RAB10: variants seen among roughly 807,000 people sequenced by gnomAD.
The protein encoded by RAB10 is RAB10, member RAS oncogene family.
A neutral mutation model predicts 25.7 loss-of-function variants in RAB10; 5 were observed. The ratio of observed to expected loss-of-function variants is 0.19; its 90% confidence interval spans 0.10 to 0.41. The LOEUF is 0.41. Ranked by LOEUF, RAB10 falls within the 10% of genes least tolerant of loss-of-function variation. The pLI is 1.00. For synonymous variants in RAB10, 89 were observed against 86.4 expected, an observed-to-expected ratio of 1.03 and a Z score of -0.16; for missense variants, 103 against 245.8, an observed-to-expected ratio of 0.42 and a Z score of 3.89.
At chr2:26,055,268 C>A (rs1449990496) in intron 1 of RAB10, among the ~76,000 whole-genome samples, 1 of 152,044 alleles carries the variant, frequency 6.6e-6, no homozygotes. Flanking sequence ...TTCTCAGTAT[C>A]TTTGTTGCTC....
intron 1 of RAB10, among the ~76,000 whole-genome samples, chr2:26,074,051 C>T (rs528443749): frequency 2.1e-4 from 32 of 152,042 alleles, no homozygotes; most frequent in Non-Finnish European, 2.4e-4. Flanking sequence ...CTAGTAGAAA[C>T]GTCAGCAAGA....
chr2:26,119,277 G>A (rs967638189), intron 3 of RAB10, among the ~76,000 whole-genome samples: 2 of 152,000 alleles, frequency 1.3e-5, no homozygotes, highest in African/African-American at 2.4e-5. Flanking sequence ...CGGATATGGC[G>A]GTGAGTACCT....
chr2:26,103,373 C>T (rs552618718), intron 2 of RAB10, among the ~76,000 whole-genome samples: 342 of 152,248 alleles, frequency 2.2e-3, no homozygotes, highest in African/African-American at 7.9e-3. Context: ...TAGGAACAAA[C>T]TTACGAATTT....
chr2:26,041,517 TG>T, intron 1 of RAB10, among the ~76,000 whole-genome samples: 1 of 122,786 alleles, frequency 8.1e-6, no homozygotes, highest in African/African-American at 3.3e-5. Flanking sequence ...CACTCAAGCC[TG>T]GGTGACAAGA....
At chr2:26,087,008 T>G (rs900274790) in intron 1 of RAB10, among the ~76,000 whole-genome samples, 8 of 152,174 alleles carry the variant, frequency 5.3e-5, no homozygotes, top group African/African-American at 1.9e-4. Context: ...TATGGGGTCG[T>G]TTTGAGGTGA....
At chr2:26,071,916 TGTGA>T (rs922316285) in intron 1 of RAB10, among the ~76,000 whole-genome samples, 10 of 152,304 alleles carry the variant, frequency 6.6e-5, no homozygotes, top group African/African-American at 9.6e-5. Flanking sequence ...TGTCTGCTGC[TGTGA>T]GTGTGACAGC....
Position 26,136,063 on chromosome 2 carries a change from CCTGT to C in RAB10, c.*1045_*1048del, listed in dbSNP as rs1228670665. On this transcript the variant is annotated 3_prime_UTR_variant, in exon 6 of 6. Transcript: ENST00000264710. Reference sequence around the variant, plus strand: ...CTTTTCCTCCTCTCTTTGTTCCCTTCCTGTCTATCCATTGAGTTTATGAAATGGA... The same window carrying C: ...CTTTTCCTCCTCTCTTTGTTCCCTTCCTATCCATTGAGTTTATGAAATGGA... 4 of 152,658 alleles carry C rather than the reference CCTGT, an allele frequency of 2.6e-5. No individual in the cohort carries two copies. Among genetic ancestry groups the C allele is most frequent in the African/African-American group, 9.7e-5 (4 of 41,430 alleles). 9.5% of individuals were successfully genotyped at this position (152,658 alleles called of 1,614,324 possible).
chr2:26,124,389 CTTTTTTTTT>C (rs10669615), intron 3 of RAB10, among the ~76,000 whole-genome samples: 11 of 19,666 alleles, frequency 5.6e-4, no homozygotes, highest in East Asian at 2.4e-3. Context: ...GTTGTTGTTG[CTTTTTTTTT>C]TTTTTTTTTT....
chr2:26,134,898 T>C, intron 5 of RAB10, 40 bp from the exon 6 acceptor site: 1 of 1,483,960 alleles, frequency 6.7e-7, no homozygotes, highest in Middle Eastern at 1.7e-4. Context: ...TCCATGGCAG[T>C]GTTTTTTCAT....
intron 1 of RAB10, among the ~76,000 whole-genome samples, chr2:26,067,206 C>T (rs1307450139): frequency 6.6e-6 from 1 of 152,126 alleles, no homozygotes; most frequent in Non-Finnish European, 1.5e-5. Flanking sequence ...TGTGGACCAC[C>T]TCACCTAGCC....
At chr2:26,089,094 C>CT (rs1210025489) in intron 1 of RAB10, among the ~76,000 whole-genome samples, 1 of 151,986 alleles carries the variant, frequency 6.6e-6, no homozygotes, top group Non-Finnish European at 1.5e-5. Flanking sequence ...GGAGAGGTGG[C>CT]TTGGGGCCAT....
intron 2 of RAB10, among the ~76,000 whole-genome samples, chr2:26,100,316 A>T (rs1667316171): frequency 6.6e-6 from 1 of 152,096 alleles, no homozygotes. Context: ...TTTCAAAACT[A>T]CTCTCTTATC....
chr2:26,114,771 G>A (rs997710494), intron 3 of RAB10, among the ~76,000 whole-genome samples: 4 of 147,634 alleles, frequency 2.7e-5, no homozygotes, highest in Admixed American at 2.6e-4. Context: ...CGGGTATGGT[G>A]GTATGCACTT....
chr2:26,060,158 A>T (rs560807099), intron 1 of RAB10, among the ~76,000 whole-genome samples: 1 of 152,336 alleles, frequency 6.6e-6, no homozygotes, highest in East Asian at 1.9e-4. Flanking sequence ...AATGCCATGA[A>T]TTCTCTAATA....
chr2:26,042,440 A>C (rs1326177718), intron 1 of RAB10, among the ~76,000 whole-genome samples: 1 of 152,114 alleles, frequency 6.6e-6, no homozygotes, highest in African/African-American at 2.4e-5. Flanking sequence ...GTTCGAGACC[A>C]GCCTGGGCAA....
chr2:26,132,317 G>C (rs1668026507), intron 5 of RAB10, among the ~76,000 whole-genome samples: 1 of 152,192 alleles, frequency 6.6e-6, no homozygotes, highest in Non-Finnish European at 1.5e-5. Context: ...GCAGTGGCAT[G>C]ATCTCGGCTC....
intron 1 of RAB10, among the ~76,000 whole-genome samples, chr2:26,095,095 A>G (rs1361443428): frequency 1.3e-5 from 2 of 152,134 alleles, no homozygotes; most frequent in African/African-American, 2.4e-5. Context: ...ATCATTTTTT[A>G]TGTATTCGGA....
intron 1 of RAB10, among the ~76,000 whole-genome samples, chr2:26,077,772 G>C (rs1307588349): frequency 1.3e-5 from 2 of 152,128 alleles, no homozygotes; most frequent in Non-Finnish European, 2.9e-5. Flanking sequence ...GAGGTCAGGA[G>C]ACAGAGACTA....
intron 1 of RAB10, among the ~76,000 whole-genome samples, chr2:26,040,308 C>T (rs772465101): frequency 3.9e-5 from 6 of 152,024 alleles, no homozygotes; most frequent in Admixed American, 6.6e-5. Flanking sequence ...AGCACCATCG[C>T]GTCTGGCTGT....
Sources: gnomAD v4.1 joint callset for allele counts (sites outside exome capture counted in the v4.1 genomes callset) on GRCh38, gnomAD v4.1.1 for gene constraint, MANE v1.5 for transcripts, NCBI Gene and HGNC (gene_info 2026-07-23, HGNC 2026-07-21) for gene names.